The following ASPRV1 variants were observed in gnomAD, a reference collection of about 807,000 sequenced individuals.
The protein encoded by ASPRV1 is aspartic peptidase retroviral like 1, also known as retroviral-like aspartic protease 1.
A neutral mutation model predicts 11.0 loss-of-function variants in ASPRV1; 7 were observed. That is an observed-to-expected ratio of 0.64 (90% CI 0.36 to 1.20). ASPRV1 has a LOEUF of 1.20. Among genes scored for constraint, ASPRV1 ranks in the 50% most tolerant of loss-of-function variants. The probability of loss-of-function intolerance (pLI) is 0.02; values close to 1 mark genes in which losing one functional copy is unlikely to be tolerated. For missense variants in ASPRV1, 299 were observed against 320.0 expected, an observed-to-expected ratio of 0.93 and a Z score of 0.50; for synonymous variants, 136 against 138.4, an observed-to-expected ratio of 0.98 and a Z score of 0.12.
the ASPRV1 span, among the ~76,000 whole-genome samples, chr2:70,039,986 GAA>G: frequency 6.6e-6 from 1 of 152,188 alleles, no homozygotes; most frequent in Non-Finnish European, 1.5e-5. Context: ...TTTGGAAAGG[GAA>G]AGAGAATGGT....
At chr2:70,036,944 GTC>G in the ASPRV1 span, among the ~76,000 whole-genome samples, 34 of 152,228 alleles carry the variant, frequency 2.2e-4, no homozygotes, top group African/African-American at 8.2e-4. Flanking sequence ...CTCCTCTCCA[GTC>G]TCTCTCAAGG....
the ASPRV1 span, among the ~76,000 whole-genome samples, chr2:70,043,411 G>C: frequency 2.0e-5 from 3 of 151,614 alleles, no homozygotes; most frequent in East Asian, 3.9e-4. Context: ...GAGTAAGACA[G>C]AGTCTCGCAT....
chr2:69,975,144 C>A, the ASPRV1 span, among the ~76,000 whole-genome samples: 2 of 152,188 alleles, frequency 1.3e-5, no homozygotes, highest in East Asian at 1.9e-4. Context: ...GCTGCAAAGC[C>A]CCCAGCCCCT....
chr2:70,052,217 C>T, the ASPRV1 span, among the ~76,000 whole-genome samples: 3 of 151,916 alleles, frequency 2.0e-5, no homozygotes, highest in African/African-American at 4.8e-5. Context: ...TATCTTGTTA[C>T]GGGAGTCAAA....
the ASPRV1 span, chr2:69,938,110 T>C: frequency 6.2e-7 from 1 of 1,614,012 alleles, no homozygotes; most frequent in Non-Finnish European, 8.5e-7. Flanking sequence ...AAATCGACGT[T>C]GACGTGGAGA....
chr2:69,954,794 C>T, the ASPRV1 span, among the ~76,000 whole-genome samples: 3 of 152,188 alleles, frequency 2.0e-5, no homozygotes, highest in East Asian at 5.8e-4. Context: ...GAGGTCACAG[C>T]ACAGGGTCAC....
At chr2:70,039,605 T>C in the ASPRV1 span, among the ~76,000 whole-genome samples, 1 of 152,356 alleles carries the variant, frequency 6.6e-6, no homozygotes, top group African/African-American at 2.4e-5. Context: ...CCAATTACTC[T>C]GCTTGCACAA....
chr2:69,990,879 G>T, the ASPRV1 span, among the ~76,000 whole-genome samples: 1 of 152,076 alleles, frequency 6.6e-6, no homozygotes, highest in Non-Finnish European at 1.5e-5. Flanking sequence ...ACCTTCATAC[G>T]CAGCCTCTAA....
chr2:69,982,442 C>T, the ASPRV1 span, among the ~76,000 whole-genome samples: 1 of 152,110 alleles, frequency 6.6e-6, no homozygotes, highest in African/African-American at 2.4e-5. Context: ...GGTGACAGAG[C>T]AAAACCCTGT....
the ASPRV1 span, chr2:70,069,309 G>A: frequency 2.0e-5 from 3 of 152,270 alleles, no homozygotes; most frequent in African/African-American, 4.8e-5. Flanking sequence ...AAGGGCTGGG[G>A]AAATCCAAAG....
the ASPRV1 span, chr2:69,971,311 G>A: frequency 4.6e-5 from 7 of 151,998 alleles, no homozygotes; most frequent in African/African-American, 1.4e-4. Context: ...TTTTCTATTT[G>A]GGGCCACTTC....
the ASPRV1 span, chr2:70,055,477 T>C: frequency 6.6e-6 from 1 of 152,196 alleles, no homozygotes; most frequent in Non-Finnish European, 1.5e-5. Flanking sequence ...ATCATATCCT[T>C]TGCAGGGACA....
chr2:70,006,187 C>G, the ASPRV1 span, among the ~76,000 whole-genome samples: 2 of 152,184 alleles, frequency 1.3e-5, no homozygotes, highest in African/African-American at 4.8e-5. Context: ...GCCAGGTGTC[C>G]TGTGCTGGGG....
At chr2:69,997,752 T>C in the ASPRV1 span, among the ~76,000 whole-genome samples, 2 of 152,216 alleles carry the variant, frequency 1.3e-5, no homozygotes, top group Admixed American at 6.5e-5. Flanking sequence ...ATCTAGATCC[T>C]GACTCAGTTG....
the ASPRV1 span, among the ~76,000 whole-genome samples, chr2:70,010,343 C>A: frequency 6.6e-6 from 1 of 152,094 alleles, no homozygotes; most frequent in Non-Finnish European, 1.5e-5. Flanking sequence ...CCAGGAAGGT[C>A]TCCTGAACAG....
the ASPRV1 span, among the ~76,000 whole-genome samples, chr2:70,035,742 G>A: frequency 1.3e-5 from 2 of 151,396 alleles, no homozygotes; most frequent in African/African-American, 4.9e-5. Flanking sequence ...GAAAACTGAA[G>A]TGACTTAAGG....
chr2:69,981,337 C>T, the ASPRV1 span, among the ~76,000 whole-genome samples: 9 of 151,990 alleles, frequency 5.9e-5, no homozygotes, highest in Non-Finnish European at 1.0e-4. Flanking sequence ...TATTTATTGA[C>T]GTGGAAAATG....
the ASPRV1 span, among the ~76,000 whole-genome samples, chr2:70,062,866 C>G: frequency 3.3e-5 from 5 of 152,154 alleles, no homozygotes; most frequent in African/African-American, 1.2e-4. Flanking sequence ...GAAGGCAGGA[C>G]ATTACAGCCA....
the ASPRV1 span, chr2:70,077,497 A>G: frequency 6.6e-6 from 1 of 152,246 alleles, no homozygotes; most frequent in Non-Finnish European, 1.5e-5. Flanking sequence ...AGGAAAAAAA[A>G]CCATACACTT....
Sources: allele counts gnomAD v4.1 joint callset (sites outside exome capture counted in the v4.1 genomes callset), GRCh38; gene constraint gnomAD v4.1.1; transcripts MANE v1.5; gene names NCBI Gene and HGNC (gene_info 2026-07-23, HGNC 2026-07-21).